Variants in EPSTI1 observed in about 807,000 individuals in gnomAD.
EPSTI1 encodes epithelial-stromal interaction protein 1.
A neutral mutation model predicts 49.9 loss-of-function variants in EPSTI1; 66 were observed. The ratio of observed to expected loss-of-function variants is 1.32; its 90% confidence interval spans 1.08 to 1.62. The LOEUF is 1.62. EPSTI1 is among the 40% of genes most tolerant of loss of function. EPSTI1 has a pLI of 0.00. For synonymous variants in EPSTI1, 137 were observed against 130.7 expected (o/e 1.05, Z -0.33); for missense variants, 394 against 365.5 (o/e 1.08, Z -0.64).
chr13:42,938,716 C>G (rs1347108627), intron 6 of EPSTI1, among the ~76,000 whole-genome samples: 1 of 151,852 alleles, frequency 6.6e-6, no homozygotes. Flanking sequence ...GAGTTCAAGA[C>G]AAGCCTGGCC....
chr13:42,928,389 A>T (rs75090611), intron 6 of EPSTI1, among the ~76,000 whole-genome samples: 2,741 of 152,246 alleles, frequency 0.018, 63 homozygotes, highest in South Asian at 0.099. Flanking sequence ...ACGAAGGAAA[A>T]CATCCTCGTG....
chr13:42,919,383 C>G (rs940327225), intron 7 of EPSTI1: 2 of 1,529,112 alleles, frequency 1.3e-6, no homozygotes, highest in Non-Finnish European at 1.8e-6. Context: ...TTTCTTAGCT[C>G]TAAACACCAG....
intron 9 of EPSTI1, among the ~76,000 whole-genome samples, chr13:42,896,182 G>C (rs999795700): frequency 6.6e-6 from 1 of 152,096 alleles, no homozygotes; most frequent in Non-Finnish European, 1.5e-5. Flanking sequence ...ATCGGGCTGC[G>C]GTTCCACCTC....
chr13:42,896,928 C>T (rs553863449), intron 9 of EPSTI1, among the ~76,000 whole-genome samples: 1 of 151,994 alleles, frequency 6.6e-6, no homozygotes, highest in Non-Finnish European at 1.5e-5. Flanking sequence ...GGCAAAACCT[C>T]ATCTCTACTA....
intron 6 of EPSTI1, among the ~76,000 whole-genome samples, chr13:42,950,887 T>C (rs9594837): frequency 0.048 from 7,273 of 152,282 alleles, 582 homozygotes; most frequent in African/African-American, 0.17. Flanking sequence ...CTGGGTGCAG[T>C]GGCTCACACT....
intron 1 of EPSTI1, among the ~76,000 whole-genome samples, chr13:42,979,438 C>T (rs2039943273): frequency 6.6e-6 from 1 of 151,870 alleles, no homozygotes; most frequent in South Asian, 2.1e-4. Flanking sequence ...AAAAATTAGC[C>T]GGGCGTGGTG....
intron 9 of EPSTI1, among the ~76,000 whole-genome samples, chr13:42,898,131 C>A (rs992260035): frequency 1.6e-4 from 24 of 152,180 alleles, no homozygotes; most frequent in Admixed American, 6.5e-5. Flanking sequence ...ATTACAGGTT[C>A]ATTGAAAAGC....
chr13:42,937,668 A>ATC (rs2038610368), intron 6 of EPSTI1, among the ~76,000 whole-genome samples: 1 of 152,204 alleles, frequency 6.6e-6, no homozygotes, highest in South Asian at 2.1e-4. Context: ...ATTCAGTCAC[A>ATC]TCTTCAGGCT....
intron 8 of EPSTI1, among the ~76,000 whole-genome samples, chr13:42,904,158 G>A (rs188910353): frequency 8.5e-4 from 129 of 152,226 alleles, no homozygotes; most frequent in African/African-American, 3.0e-3. Context: ...CCAGGCAGAG[G>A]ATTAAAACAC....
rs188377182 is a variant in EPSTI1, at chr13:42,944,308, G to T, written c.563+9640C>A. The stretch of plus-strand genomic sequence containing the variant: ...TGTTGGGCTGGATAAAGAAAATGTG[G>T]CACATATACACCATGGAATACTATG... On this transcript the variant is annotated intron_variant, in intron 6 of 10. Coordinates refer to ENST00000313624, the MANE Select transcript of EPSTI1 (RefSeq NM_033255.5). Among the ~76,000 whole-genome samples the T allele has an allele frequency of 3.3e-5, 5 of 152,278 alleles. No individual in the cohort carries two copies. In the East Asian group the frequency reaches 9.6e-4, roughly 29 times the overall value.
chr13:42,941,134 A>G (rs1458975593), intron 6 of EPSTI1, among the ~76,000 whole-genome samples: 1 of 152,118 alleles, frequency 6.6e-6, no homozygotes, highest in African/African-American at 2.4e-5. Flanking sequence ...AGGAGTTTCT[A>G]CCCTCAAAGT....
At chr13:42,923,593 C>T (rs1391314986) in intron 7 of EPSTI1, among the ~76,000 whole-genome samples, 2 of 152,104 alleles carry the variant, frequency 1.3e-5, no homozygotes, top group Non-Finnish European at 2.9e-5. Context: ...ATGGGGGCAG[C>T]AAACCAGAGA....
chr13:42,979,525 C>T (rs1378785109), intron 1 of EPSTI1, among the ~76,000 whole-genome samples: 1 of 147,574 alleles, frequency 6.8e-6, no homozygotes, highest in East Asian at 2.0e-4. Context: ...GCGGAGCTTG[C>T]AGTGAGCCGA....
At chr13:42,903,854 A>G (rs1447007676) in intron 8 of EPSTI1, among the ~76,000 whole-genome samples, 1 of 145,680 alleles carries the variant, frequency 6.9e-6, no homozygotes, top group East Asian at 2.3e-4. Context: ...TCCAGAAGTT[A>G]GAAAAAGAAA....
intron 1 of EPSTI1, among the ~76,000 whole-genome samples, chr13:42,982,963 T>C (rs1469917633): frequency 2.0e-5 from 3 of 152,222 alleles, no homozygotes; most frequent in Non-Finnish European, 4.4e-5. Context: ...ACCATACTCC[T>C]TTTTGACCAA....
chr13:42,895,144 C>T (rs2037155412), intron 9 of EPSTI1, 36 bp from the exon 10 acceptor site: 1 of 1,526,058 alleles, frequency 6.6e-7, no homozygotes, highest in East Asian at 2.3e-5. Context: ...GAGTAGAAAA[C>T]TTGCTGCAGG....
chr13:42,983,296 T>C (rs1375523799), intron 1 of EPSTI1, among the ~76,000 whole-genome samples: 1 of 152,174 alleles, frequency 6.6e-6, no homozygotes, highest in African/African-American at 2.4e-5. Flanking sequence ...CTGGGCGCAG[T>C]GGCTCATGCC....
chr13:42,958,269 T>C (rs2039335198), intron 5 of EPSTI1, among the ~76,000 whole-genome samples: 1 of 152,148 alleles, frequency 6.6e-6, no homozygotes, highest in South Asian at 2.1e-4. Context: ...GATTCTTTGG[T>C]TCAGGTGATT....
intron 9 of EPSTI1, among the ~76,000 whole-genome samples, chr13:42,896,609 C>T (rs1184314320): frequency 6.6e-6 from 1 of 152,182 alleles, no homozygotes; most frequent in Non-Finnish European, 1.5e-5. Context: ...CTTGCTAGTG[C>T]TTTCACTCCC....
Sources: gnomAD v4.1 joint callset for allele counts (sites outside exome capture counted in the v4.1 genomes callset) on GRCh38, gnomAD v4.1.1 for gene constraint, MANE v1.5 for transcripts, NCBI Gene and HGNC (gene_info 2026-07-23, HGNC 2026-07-21) for gene names.